GLYR1: variants seen among roughly 807,000 people sequenced by gnomAD.
GLYR1 encodes glyoxylate reductase 1 homolog.
GLYR1 carries 21 observed loss-of-function variants against 72.7 expected under a neutral mutation model. That is an observed-to-expected ratio of 0.29 (90% CI 0.20 to 0.42). GLYR1 has a LOEUF of 0.42. Among genes scored for constraint, GLYR1 ranks in the 10% least tolerant of loss-of-function variants. GLYR1 has a pLI of 1.00. For missense variants in GLYR1, 594 were observed against 712.1 expected (o/e 0.83, Z 1.89); for synonymous variants, 392 against 270.2 (o/e 1.45, Z -4.42).
intron 3 of GLYR1, chr16:4,843,655 GAAGA>G: frequency 7.8e-7 from 1 of 1,286,082 alleles, no homozygotes; most frequent in Non-Finnish European, 1.0e-6. Context: ...CTGGATGAGT[GAAGA>G]ATACTGTTTA....
In GLYR1 at chr16:4,811,256, T is replaced by C. The variant is rs766239974; in HGVS notation, c.1501A>G (p.Lys501Glu). Residue 501 changes from lysine (K) to glutamate (E), a missense_variant, in exon 15 of 16, where the codon AAA becomes GAA. By Grantham distance (56) the Lys-to-Glu change is moderately conservative. Coordinates refer to ENST00000321919, the MANE Select transcript of GLYR1 (RefSeq NM_032569.4). ...QGNFKPDFYLKYIQKDLRLAI... is the reference protein window; with the variant it reads ...QGNFKPDFYLEYIQKDLRLAI... ...AAGCGGAGATCCTTCTGAATGTATT[T>C]CAGGTAGAAATCAGGCTTAAAGTTT... is the stretch of plus-strand genomic sequence containing the variant. 1 of 1,614,174 alleles carries C rather than the reference T, an allele frequency of 6.2e-7. No individual in the cohort carries two copies. The highest frequency in any genetic ancestry group is 8.5e-7 in the Non-Finnish European group (1 of 1,180,028).
At position 4,805,027 on chromosome 16, in the gene GLYR1, C is replaced by G; in HGVS notation, c.*209G>C. On this transcript the variant is annotated 3_prime_UTR_variant, in exon 16 of 16. Transcript: ENST00000321919. ...TGCCCAGCTCAAGAGCTTTCCCACA[C>G]GCCAATCCTGCTGACACTTGTCCCC... is the stretch of plus-strand genomic sequence containing the variant. 3.3e-6 allele frequency: 2 copies of G among 598,678 alleles called. No individual in the cohort carries two copies. The highest frequency in any genetic ancestry group is 6.0e-6 in the Non-Finnish European group (2 of 333,192). 37.1% of individuals were successfully genotyped at this position (598,678 alleles called of 1,614,324 possible). A position where few individuals can be genotyped will look rare whatever the true frequency, so the allele number is the denominator to read the frequency against.
chr16:4,847,074 C>G, intron 1 of GLYR1, 154 bp downstream of exon 1: 2 of 709,962 alleles, frequency 2.8e-6, no homozygotes, highest in Non-Finnish European at 4.7e-6. Context: ...CTGCCCCTTC[C>G]GCCTGGCGCC....
intron 5 of GLYR1, among the ~76,000 whole-genome samples, chr16:4,831,561 C>A (rs1196805344): frequency 1.3e-5 from 2 of 152,390 alleles, no homozygotes; most frequent in East Asian, 3.9e-4. Flanking sequence ...TAAGCCCCTC[C>A]CAGGGCCAGC....
intron 5 of GLYR1, among the ~76,000 whole-genome samples, chr16:4,829,622 G>A (rs553332334): frequency 6.6e-6 from 1 of 151,626 alleles, no homozygotes; most frequent in African/African-American, 2.4e-5. Context: ...GAGTAGGGGG[G>A]ACTACAGGCA....
chr16:4,825,800 C>T (rs1211525422), intron 5 of GLYR1, among the ~76,000 whole-genome samples: 2 of 151,186 alleles, frequency 1.3e-5, no homozygotes. Context: ...CACAGGCGCG[C>T]GGCCACCATG....
At chr16:4,834,540 G>C (rs1247593589) in intron 3 of GLYR1, among the ~76,000 whole-genome samples, 2 of 151,724 alleles carry the variant, frequency 1.3e-5, no homozygotes, top group East Asian at 3.9e-4. Context: ...TTAGCTAACT[G>C]CGACCTCCGC....
intron 9 of GLYR1, among the ~76,000 whole-genome samples, chr16:4,820,429 TTTGACTA>T (rs1251809337): frequency 6.6e-6 from 1 of 152,206 alleles, no homozygotes; most frequent in South Asian, 2.1e-4. Context: ...TTATTAAAAG[TTTGACTA>T]ATGGGCCAAT....
intron 15 of GLYR1, 110 bp downstream of exon 15, chr16:4,811,060 G>C (rs889387043): frequency 5.2e-6 from 7 of 1,337,954 alleles, no homozygotes; most frequent in Non-Finnish European, 7.0e-6. Context: ...AGCTGAGATC[G>C]CACCAGTGCA....
chr16:4,817,483 A>T, intron 10 of GLYR1, 115 bp downstream of exon 10: 1 of 670,020 alleles, frequency 1.5e-6, no homozygotes, highest in Non-Finnish European at 2.7e-6. Context: ...CCTGGACTAA[A>T]AGCTTGGCTT....
At chr16:4,815,485 C>T (rs1211942598) in intron 10 of GLYR1, among the ~76,000 whole-genome samples, 1 of 152,206 alleles carries the variant, frequency 6.6e-6, no homozygotes. Context: ...TGTAGTTTGA[C>T]ACTTAGCCCA....
chr16:4,818,963 T>G (rs1323099076), intron 9 of GLYR1, among the ~76,000 whole-genome samples: 1 of 152,178 alleles, frequency 6.6e-6, no homozygotes, highest in Non-Finnish European at 1.5e-5. Context: ...ATACTCCGCC[T>G]GCTCCTTCCT....
chr16:4,820,768 C>T lies in GLYR1; in HGVS notation c.806+612G>A, dbSNP rs531268157. Among the ~76,000 whole-genome samples, 109 of 152,314 alleles carry T rather than the reference C, an allele frequency of 7.2e-4. 1 individual carries two copies. Among genetic ancestry groups the T allele is most frequent in the Non-Finnish European group, 1.3e-3 (88 of 68,020 alleles). On this transcript the variant is annotated intron_variant, in intron 9 of 15. Transcript: ENST00000321919. ...GTATCTTTTTGCCAACAAGACTCTG[C>T]GGAGGAGACATGCCTACAGAGCAGG...
intron 3 of GLYR1, among the ~76,000 whole-genome samples, chr16:4,837,992 C>G (rs950622161): frequency 6.6e-6 from 1 of 151,078 alleles, no homozygotes; most frequent in Non-Finnish European, 1.5e-5. Context: ...AATAAAAATA[C>G]AGGTGAGAAC....
Position 4,805,066 on chromosome 16 carries a change from C to G in GLYR1, c.*170G>C. ...ACACTTGTCCCCTCCCCACCGGCCT[C>G]AGGGGAAGGGTGCTGCTGTGTGCTG... On this transcript the variant is annotated 3_prime_UTR_variant, in exon 16 of 16. Transcript: ENST00000321919. The G allele has an allele frequency of 1.6e-6, 1 of 636,614 alleles. No homozygotes were observed. Among genetic ancestry groups the G allele is most frequent in the African/African-American group, 1.8e-5 (1 of 55,102 alleles). 39.4% of individuals were successfully genotyped at this position (636,614 alleles called of 1,614,324 possible).
At chr16:4,805,792 G>T (rs185127892) in intron 15 of GLYR1, among the ~76,000 whole-genome samples, 2 of 151,900 alleles carry the variant, frequency 1.3e-5, no homozygotes, top group African/African-American at 4.8e-5. Context: ...CCTGGTGACC[G>T]TCGTGAAACC....
At chr16:4,843,071 C>G (rs191114733) in intron 3 of GLYR1, among the ~76,000 whole-genome samples, 17 of 152,322 alleles carry the variant, frequency 1.1e-4, no homozygotes, top group Non-Finnish European at 1.6e-4. Context: ...AAGGTGGGAA[C>G]TATAATACTT....
chr16:4,839,904 G>T (rs1414162434), intron 3 of GLYR1: 1 of 152,124 alleles, frequency 6.6e-6, no homozygotes, highest in African/African-American at 2.4e-5. Context: ...ACCAAATCCT[G>T]TATTTCTCAG....
chr16:4,845,024 G>T, intron 3 of GLYR1, 50 bp downstream of exon 3: 2 of 1,240,566 alleles, frequency 1.6e-6, no homozygotes, highest in South Asian at 1.2e-5. Context: ...TCAGACTCCA[G>T]GTAACACAGA....
Sources: gnomAD v4.1 joint callset for allele counts (sites outside exome capture counted in the v4.1 genomes callset) on GRCh38, gnomAD v4.1.1 for gene constraint, MANE v1.5 for transcripts, NCBI Gene and HGNC (gene_info 2026-07-23, HGNC 2026-07-21) for gene names.